KCNK13: variants seen among roughly 807,000 people sequenced by gnomAD.
The protein encoded by KCNK13 is potassium two pore domain channel subfamily K member 13.
KCNK13 carries 12 observed loss-of-function variants against 23.4 expected under a neutral mutation model. The ratio of observed to expected loss-of-function variants is 0.51; its 90% confidence interval spans 0.33 to 0.83. The LOEUF (loss-of-function observed/expected upper bound fraction) is 0.83. Ranked by LOEUF, KCNK13 falls within the 40% of genes least tolerant of loss-of-function variation. The probability of loss-of-function intolerance (pLI) is 0.02; values close to 1 mark genes in which losing one functional copy is unlikely to be tolerated. For missense variants in KCNK13, 463 were observed against 556.3 expected, an observed-to-expected ratio of 0.83 and a Z score of 1.69; for synonymous variants, 231 against 229.5, an observed-to-expected ratio of 1.01 and a Z score of -0.06.
intron 1 of KCNK13, among the ~76,000 whole-genome samples, chr14:90,173,689 A>G (rs1451593772): frequency 6.6e-6 from 1 of 152,168 alleles, no homozygotes; most frequent in Non-Finnish European, 1.5e-5. Flanking sequence ...CTTGCAAGCA[A>G]GGGAAAATTT....
At chr14:90,109,101 C>G (rs866287551) in intron 1 of KCNK13, among the ~76,000 whole-genome samples, 16 of 151,228 alleles carry the variant, frequency 1.1e-4, no homozygotes, top group Middle Eastern at 3.5e-3. Flanking sequence ...GGCGTGAACC[C>G]GGGAGGCGGA....
chr14:90,088,277 T>C (rs1166589167), intron 1 of KCNK13, among the ~76,000 whole-genome samples: 1 of 152,174 alleles, frequency 6.6e-6, no homozygotes, highest in Non-Finnish European at 1.5e-5. Flanking sequence ...GGCAACATGC[T>C]TTATTAGGTC....
chr14:90,145,196 T>C (rs545184834), intron 1 of KCNK13, among the ~76,000 whole-genome samples: 1 of 152,116 alleles, frequency 6.6e-6, no homozygotes, highest in South Asian at 2.1e-4. Context: ...TCTTTTGAGT[T>C]CAGGAGCTTG....
At chr14:90,125,426 T>C (rs1889786024) in intron 1 of KCNK13, among the ~76,000 whole-genome samples, 1 of 151,936 alleles carries the variant, frequency 6.6e-6, no homozygotes, top group African/African-American at 2.4e-5. Flanking sequence ...GGTTTCACCA[T>C]GTTAGCCAGG....
intron 1 of KCNK13, among the ~76,000 whole-genome samples, chr14:90,134,265 G>T (rs979811981): frequency 1.3e-5 from 2 of 152,160 alleles, no homozygotes; most frequent in Non-Finnish European, 2.9e-5. Flanking sequence ...AGGTCAGAAT[G>T]TATAGAATTT....
chr14:90,180,880 C>G (rs1461383182), intron 1 of KCNK13, among the ~76,000 whole-genome samples: 1 of 151,850 alleles, frequency 6.6e-6, no homozygotes, highest in Non-Finnish European at 1.5e-5. Flanking sequence ...TTTTTTCAGA[C>G]AGGGTCTCAC....
At chr14:90,092,906 T>G (rs1889365308) in intron 1 of KCNK13, among the ~76,000 whole-genome samples, 1 of 79,364 alleles carries the variant, frequency 1.3e-5, no homozygotes, top group Non-Finnish European at 2.3e-5. Flanking sequence ...AGTGAGACCC[T>G]GTCTCCAAAA....
At chr14:90,063,439 T>C (rs961163889) in intron 1 of KCNK13, among the ~76,000 whole-genome samples, 5 of 152,028 alleles carry the variant, frequency 3.3e-5, no homozygotes, top group Non-Finnish European at 5.9e-5. Flanking sequence ...CCCCTAAAGA[T>C]TGTTCATCCT....
intron 1 of KCNK13, among the ~76,000 whole-genome samples, chr14:90,167,037 A>G (rs938268598): frequency 6.6e-5 from 10 of 152,212 alleles, no homozygotes; most frequent in Admixed American, 2.6e-4. Context: ...CATGACTTTG[A>G]GCAAGTTACT....
intron 1 of KCNK13, among the ~76,000 whole-genome samples, chr14:90,109,284 A>T (rs1337810299): frequency 6.6e-6 from 1 of 151,996 alleles, no homozygotes; most frequent in Non-Finnish European, 1.5e-5. Flanking sequence ...CTTTTCTAAT[A>T]AAAAAATACC....
At chr14:90,168,994 A>T (rs2140442407) in intron 1 of KCNK13, among the ~76,000 whole-genome samples, 1 of 152,258 alleles carries the variant, frequency 6.6e-6, no homozygotes, top group African/African-American at 2.4e-5. Flanking sequence ...TTCCACCATG[A>T]TTGTGAAGCC....
At chr14:90,078,894 C>T (rs1889174867) in intron 1 of KCNK13, among the ~76,000 whole-genome samples, 1 of 152,178 alleles carries the variant, frequency 6.6e-6, no homozygotes, top group African/African-American at 2.4e-5. Flanking sequence ...GTAACTTTCC[C>T]AAGTCCACAC....
At chr14:90,109,939 C>T (rs1327206493) in intron 1 of KCNK13, among the ~76,000 whole-genome samples, 1 of 150,962 alleles carries the variant, frequency 6.6e-6, no homozygotes, top group African/African-American at 2.4e-5. Flanking sequence ...AAATCCAAGA[C>T]TCAAGTGATC....
chr14:90,121,041 T>C (rs1169964303), intron 1 of KCNK13, among the ~76,000 whole-genome samples: 3 of 140,584 alleles, frequency 2.1e-5, no homozygotes. Flanking sequence ...ATAGGAGAAA[T>C]TGACTGACTG....
intron 1 of KCNK13, among the ~76,000 whole-genome samples, chr14:90,154,939 T>A (rs1349280212): frequency 6.6e-6 from 1 of 152,216 alleles, no homozygotes; most frequent in Non-Finnish European, 1.5e-5. Context: ...TGTTGAGCCC[T>A]TACTATGTTT....
chr14:90,136,033 C>T (rs929271377), intron 1 of KCNK13, among the ~76,000 whole-genome samples: 1 of 152,004 alleles, frequency 6.6e-6, no homozygotes, highest in Non-Finnish European at 1.5e-5. Flanking sequence ...ACACCTGGCC[C>T]GGGCAGCAGT....
intron 1 of KCNK13, among the ~76,000 whole-genome samples, chr14:90,156,516 CA>C (rs1036228635): frequency 6.6e-6 from 1 of 152,034 alleles, no homozygotes; most frequent in African/African-American, 2.4e-5. Context: ...TGCAAGGGAG[CA>C]ATTGATTCTC....
chr14:90,139,228 G>A (rs1398832997), intron 1 of KCNK13, among the ~76,000 whole-genome samples: 1 of 152,206 alleles, frequency 6.6e-6, no homozygotes, highest in Non-Finnish European at 1.5e-5. Flanking sequence ...AACACAGACT[G>A]TGATGATTGA....
At chr14:90,079,973 T>C (rs1305345494) in intron 1 of KCNK13, among the ~76,000 whole-genome samples, 2 of 152,180 alleles carry the variant, frequency 1.3e-5, no homozygotes, top group African/African-American at 2.4e-5. Context: ...GAAGACTCTT[T>C]GCAGATGAGG....
Sources: gnomAD v4.1 joint callset for allele counts (sites outside exome capture counted in the v4.1 genomes callset) on GRCh38, gnomAD v4.1.1 for gene constraint, MANE v1.5 for transcripts, NCBI Gene and HGNC (gene_info 2026-07-23, HGNC 2026-07-21) for gene names.